ATP8B3: variants seen among roughly 807,000 people sequenced by gnomAD.
ATP8B3 encodes the protein phospholipid-transporting ATPase IK.
ATP8B3 carries 141 observed loss-of-function variants against 140.9 expected under a neutral mutation model. The observed-to-expected ratio is 1.00, with a 90% CI of 0.87 to 1.15. ATP8B3 has a LOEUF of 1.15. ATP8B3 is among the 50% of genes most tolerant of loss of function. The pLI is 0.00. For synonymous variants in ATP8B3, 765 were observed against 714.6 expected (o/e 1.07, Z -1.13); for missense variants, 1,874 against 1,740.6 (o/e 1.08, Z -1.36).
rs766539210 is a variant in ATP8B3, at chr19:1,808,253, T to C, written c.485A>G (p.Asn162Ser). Residue 162 changes from asparagine to serine, a missense_variant, in exon 5 of 29, where the codon AAC becomes AGC. Transcript: ENST00000310127. ...GATGATGATGATGAGGAAGAACAGG[T>C]TGGACACGCGGTGGAACTGCTCGTA... ...NLYEQFHRVSNLFFLIIIILQ... is the reference protein window; with the variant it reads ...NLYEQFHRVSSLFFLIIIILQ... 4.3e-6 allele frequency: 7 copies of C among 1,612,682 alleles called. No individual in the cohort carries two copies. Among genetic ancestry groups the C allele is most frequent in the Non-Finnish European group, 5.9e-6 (7 of 1,179,430 alleles).
In ATP8B3 at chr19:1,791,744, A is replaced by G; in HGVS notation, c.2302+6T>C. ...GCTTAGCCACCCGGAGCTGCCCGGG[A>G]CTCACCCTGCTTGTCCCCGGTGAGC... On this transcript the variant is annotated splice_donor_region_variant and intron_variant, in intron 20 of 28. Coordinates refer to ENST00000310127, the MANE Select transcript of ATP8B3 (RefSeq NM_138813.4). 6.2e-7 allele frequency: 1 copy of G among 1,607,144 alleles called. No homozygotes were observed. The highest frequency in any genetic ancestry group is 8.5e-7 in the Non-Finnish European group (1 of 1,176,838).
chr19:1,795,203 C>A (rs923072253), intron 18 of ATP8B3, among the ~76,000 whole-genome samples: 13 of 152,020 alleles, frequency 8.6e-5, no homozygotes, highest in African/African-American at 3.1e-4. Context: ...TGCAGTGACT[C>A]AAGATTGCAC....
chr19:1,810,409 G>A (rs1021638102), intron 3 of ATP8B3, among the ~76,000 whole-genome samples: 12 of 152,188 alleles, frequency 7.9e-5, no homozygotes, highest in African/African-American at 2.2e-4. Context: ...TAGAATTACA[G>A]GCATACGCCA....
intron 24 of ATP8B3, among the ~76,000 whole-genome samples, chr19:1,788,112 T>A (rs1469720042): frequency 1.3e-5 from 2 of 152,162 alleles, no homozygotes; most frequent in Non-Finnish European, 2.9e-5. Flanking sequence ...TAAAGCTCCC[T>A]CTCAAATGCC....
In ATP8B3 at chr19:1,802,620, G is replaced by T. The variant is rs767037893; in HGVS notation, c.930C>A (p.Asn310Lys). 1.2e-6 allele frequency: 2 copies of T among 1,611,472 alleles called. No homozygotes were observed. Among genetic ancestry groups the T allele is most frequent in the African/African-American group, 2.7e-5 (2 of 74,954 alleles). The part of the protein sequence containing the change: ...FQGTVTCEAP[N>K]SRMHHFVGCL... Reference sequence around the variant, plus strand: ...ACCCCACGAAGTGGTGCATCCGACTGTTAGGCGCCTCACACGTCACTGTGC... The same window carrying T: ...ACCCCACGAAGTGGTGCATCCGACTTTTAGGCGCCTCACACGTCACTGTGC... Residue 310 changes from asparagine (N) to lysine (K), a missense_variant, in exon 11 of 29, where the codon AAC becomes AAA. Physicochemically the swap from Asn to Lys is moderately conservative, Grantham distance 94. This residue lies in a region of ATP8B3 where 1,032 missense variants were observed against 963.6 expected (regional missense o/e 1.07). Coordinates refer to ENST00000310127, the MANE Select transcript of ATP8B3 (RefSeq NM_138813.4).
Position 1,800,559 on chromosome 19 carries a change from C to T in ATP8B3, c.1153-110G>A, listed in dbSNP as rs2068815796. 2.0e-6 allele frequency: 2 copies of T among 989,302 alleles called. No individual in the cohort carries two copies. Among genetic ancestry groups the T allele is most frequent in the East Asian group, 2.4e-5 (1 of 41,126 alleles). 61.3% of individuals were successfully genotyped at this position (989,302 alleles called of 1,614,324 possible). ...CTGGGGCTGGGCACAGTGGCTCATGCCTGTAATCTCAGCACTTCAGGAGGC... is the reference window on the plus strand; with the variant it reads ...CTGGGGCTGGGCACAGTGGCTCATGTCTGTAATCTCAGCACTTCAGGAGGC... On this transcript the variant is annotated intron_variant, in intron 12 of 28. Transcript: ENST00000310127. This position sits in a 1 kb window ranked among gnomAD's most constrained non-coding sequence, Gnocchi z 4.4.
At chr19:1,785,013 CG>C in intron 27 of ATP8B3, 67 bp from the exon 28 acceptor site, 1 of 1,542,590 alleles carries the variant, frequency 6.5e-7, no homozygotes, top group African/African-American at 1.4e-5. Flanking sequence ...GGCTAGGGAG[CG>C]CCTTGGTGCC....
intron 1 of ATP8B3, 138 bp from the exon 2 acceptor site, chr19:1,812,022 A>T (rs961230928): frequency 5.5e-5 from 21 of 384,352 alleles, no homozygotes; most frequent in Non-Finnish European, 7.4e-5. Flanking sequence ...AGGGCTCCAG[A>T]GTCCAGGGCT....
Position 1,794,025 on chromosome 19 carries a change from C to T in ATP8B3, c.2055+1850G>A, listed in dbSNP as rs551901519. On this transcript the variant is annotated intron_variant, in intron 18 of 28. Coordinates refer to ENST00000310127, the MANE Select transcript of ATP8B3 (RefSeq NM_138813.4). This position sits in a 1 kb window ranked among gnomAD's most constrained non-coding sequence, Gnocchi z 4.8. ...CACTGGGATTACAGGCGTGAGCCAT[C>T]GCGCCAGCCTGTTTATTAAGAGACA... Among the ~76,000 whole-genome samples the T allele has an allele frequency of 1.3e-5, 2 of 150,786 alleles. No homozygotes were observed. The highest frequency in any genetic ancestry group is 3.0e-5 in the Non-Finnish European group (2 of 67,794).
intron 11 of ATP8B3, 25 bp from the exon 12 acceptor site, chr19:1,802,069 A>AAACC: frequency 1.8e-6 from 2 of 1,112,370 alleles, no homozygotes; most frequent in Non-Finnish European, 2.4e-6. Flanking sequence ...CCATCTATCC[A>AAACC]CCCACCCACC....
Position 1,785,075 on chromosome 19 carries a change from G to C in ATP8B3, c.3532+84C>G, listed in dbSNP as rs527951485. On this transcript the variant is annotated intron_variant, in intron 27 of 28. Coordinates refer to ENST00000310127, the MANE Select transcript of ATP8B3 (RefSeq NM_138813.4). ...CCTTCCCCAGGACACTTTGCCGGAC[G>C]ACTGTCATGAGCAACCTGCAACCTC... is the stretch of plus-strand genomic sequence containing the variant. 8.9e-5 allele frequency: 132 copies of C among 1,481,800 alleles called. 1 individual carries two copies. The East Asian group carries it at 1.2e-3, about 14-fold the overall frequency. The allele number at this position is 1,481,800 out of a possible 1,614,324, so 91.8% of individuals were successfully genotyped here. A position where few individuals can be genotyped will look rare whatever the true frequency, so the allele number is the denominator to read the frequency against.
intron 14 of ATP8B3, 85 bp downstream of exon 14, chr19:1,799,862 G>C: frequency 7.5e-7 from 1 of 1,330,564 alleles, no homozygotes; most frequent in Non-Finnish European, 1.0e-6. Flanking sequence ...CTGGGCATGG[G>C]GCCAGACGTG....
chr19:1,796,912 G>A (rs2068697350), intron 15 of ATP8B3, 33 bp from the exon 16 acceptor site: 2 of 1,610,818 alleles, frequency 1.2e-6, no homozygotes, highest in Non-Finnish European at 1.7e-6. Flanking sequence ...CCGGCTGTGG[G>A]TGGGCCGCTC....
At chr19:1,799,558 G>A in intron 14 of ATP8B3, 1 of 410,194 alleles carries the variant, frequency 2.4e-6, no homozygotes. Flanking sequence ...CGGAGGCCAG[G>A]AGTTCGAGAC....
intron 28 of ATP8B3, 143 bp downstream of exon 28, chr19:1,784,675 TC>T: frequency 8.4e-7 from 1 of 1,185,352 alleles, no homozygotes; most frequent in Non-Finnish European, 1.1e-6. Context: ...TGTCCGGGGC[TC>T]CGCACCCACC....
Position 1,810,698 on chromosome 19 carries a change from G to A in ATP8B3, c.249-15C>T. On this transcript the variant is annotated splice_polypyrimidine_tract_variant and intron_variant, in intron 2 of 28. Coordinates refer to ENST00000310127, the MANE Select transcript of ATP8B3 (RefSeq NM_138813.4). Reference sequence around the variant, plus strand: ...TGCTGGTGGGGCTGTGGGAGAGAAGGGCCCCGGGTCACAGCAGTGACCCCA... The same window carrying A: ...TGCTGGTGGGGCTGTGGGAGAGAAGAGCCCCGGGTCACAGCAGTGACCCCA... The A allele has an allele frequency of 6.2e-7, 1 of 1,610,374 alleles. No individual in the cohort carries two copies. The highest frequency in any genetic ancestry group is 2.2e-5 in the East Asian group (1 of 44,798).
Position 1,806,548 on chromosome 19 carries a change from G to T in ATP8B3, c.677+80C>A. The T allele has an allele frequency of 1.3e-6, 2 of 1,539,516 alleles. No homozygotes were observed. On this transcript the variant is annotated intron_variant, in intron 7 of 28. Coordinates refer to ENST00000310127, the MANE Select transcript of ATP8B3 (RefSeq NM_138813.4). This position sits in a 1 kb window ranked among gnomAD's most constrained non-coding sequence, Gnocchi z 5.6. ...AGATCAGGGAGCACGGAAGGTGATG[G>T]ACACTTGCCGAGGCCGATGACCCTG...
In ATP8B3 at chr19:1,789,531, T is replaced by C. The variant is rs758988167; in HGVS notation, c.2675A>G (p.Glu892Gly). 1.0e-5 allele frequency: 16 copies of C among 1,597,852 alleles called. No individual in the cohort carries two copies. Among genetic ancestry groups the C allele is most frequent in the Non-Finnish European group, 1.3e-5 (15 of 1,178,638 alleles). ...CACGAAGGCGCGCTCCTGCAGCACC[T>C]CGGAGCTACGGCGGGCTCTGGAGTC... ...AQDSRARRSSEVLQERAFVDL... is the reference protein window; with the variant it reads ...AQDSRARRSSGVLQERAFVDL... The change falls in exon 23 of 29, where the codon GAG becomes GGG. Residue 892 changes from glutamate to glycine, a missense_variant. By Grantham distance (98) the Glu-to-Gly change is moderately conservative (BLOSUM62 -2). Transcript: ENST00000310127.
At chr19:1,792,784 G>T (rs138208099) in intron 18 of ATP8B3, among the ~76,000 whole-genome samples, 2 of 151,364 alleles carry the variant, frequency 1.3e-5, no homozygotes, top group Non-Finnish European at 2.9e-5. Flanking sequence ...GTGTGGTGGC[G>T]CATGCCTGGA....
Sources: gnomAD v4.1 joint callset for allele counts (sites outside exome capture counted in the v4.1 genomes callset) on GRCh38, gnomAD v4.1.1 for gene constraint, gnomAD v4.1.1 regional missense constraint, Gnocchi (gnomAD v3.1) non-coding constraint, MANE v1.5 for transcripts, NCBI Gene and HGNC (gene_info 2026-07-23, HGNC 2026-07-21) for gene names.